BIRC3: variants seen among roughly 807,000 people sequenced by gnomAD.
BIRC3 encodes the protein baculoviral IAP repeat-containing protein 3.
In BIRC3, 26 loss-of-function variants were observed where a neutral mutation model predicts 59.0. The ratio of observed to expected loss-of-function variants is 0.44; its 90% CI spans 0.32 to 0.61. BIRC3 has a LOEUF of 0.61. Among genes scored for constraint, BIRC3 ranks in the 20% least tolerant of loss-of-function variants. The pLI is 0.04. For synonymous variants in BIRC3, 243 were observed against 249.2 expected, an observed-to-expected ratio of 0.98 and a Z score of 0.24; for missense variants, 641 against 711.5, an observed-to-expected ratio of 0.90 and a Z score of 1.13.
rs190140643 is a variant in BIRC3 at position 102,324,614 on chromosome 11, G to A, written c.105G>A (p.Thr35=). 3 of 1,614,116 alleles carry A rather than the reference G, an allele frequency of 1.9e-6. No homozygotes were observed. Among genetic ancestry groups the A allele is most frequent in the Non-Finnish European group, 1.7e-6 (2 of 1,180,002 alleles). Residue 35 remains threonine, a synonymous_variant, in exon 2 of 9, where the codon ACG becomes ACA. Coordinates refer to ENST00000263464, the MANE Select transcript of BIRC3 (RefSeq NM_001165.5). Reference sequence around the variant, plus strand: ...CATGTGAACTGTACCGAATGTCTACGTATTCCACTTTTCCTGCTGGGGTTC... The same window carrying A: ...CATGTGAACTGTACCGAATGTCTACATATTCCACTTTTCCTGCTGGGGTTC... ...DLSCELYRMS[T]YSTFPAGVPV...
At chr11:102,328,225 T>C (rs1951104308) in intron 4 of BIRC3, 95 bp downstream of exon 4, 2 of 922,994 alleles carry the variant, frequency 2.2e-6, no homozygotes, top group Admixed American at 2.6e-5. Context: ...AGACAAGAGT[T>C]GTTTTAGAAA....
At position 102,337,148 on chromosome 11, in the gene BIRC3, T is replaced by A. The variant is rs1951205267; in HGVS notation, c.*46T>A. On this transcript the variant is annotated 3_prime_UTR_variant, in exon 9 of 9. Coordinates refer to ENST00000263464, the MANE Select transcript of BIRC3 (RefSeq NM_001165.5). ...TAAACTTTAGAATTAATTTATTAAA[T>A]GTATTATAACTTTAACTTTTATCCT... is the stretch of plus-strand genomic sequence containing the variant. 12 of 1,328,010 alleles carry A rather than the reference T, an allele frequency of 9.0e-6. No homozygotes were observed. Among genetic ancestry groups the A allele is most frequent in the Non-Finnish European group, 1.2e-5 (12 of 1,022,254 alleles). 82.3% of individuals were successfully genotyped at this position (1,328,010 alleles called of 1,614,324 possible). A position where few individuals can be genotyped will look rare whatever the true frequency, so the allele number is the denominator to read the frequency against.
In BIRC3 at chr11:102,336,206, A is replaced by T; in HGVS notation, c.1565A>T (p.Tyr522Phe). ...NSLQEAEAVL[Y>F]EHLFVQQDIK... ...CTGCAAGAAGCTGAAGCTGTGTTAT[A>T]TGAGCATTTATTTGGTGAGTGATAG... The change falls in exon 7 of 9, where the codon TAT becomes TTT. Residue 522 changes from tyrosine (Y) to phenylalanine (F), a missense_variant. Coordinates refer to ENST00000263464, the MANE Select transcript of BIRC3 (RefSeq NM_001165.5). 2 of 1,596,182 alleles carry T rather than the reference A, an allele frequency of 1.3e-6. No homozygotes were observed. Among genetic ancestry groups the T allele is most frequent in the East Asian group, 2.2e-5 (1 of 44,632 alleles).
chr11:102,319,316 G>A (rs1202836607), intron 1 of BIRC3, among the ~76,000 whole-genome samples: 1 of 152,142 alleles, frequency 6.6e-6, no homozygotes, highest in Non-Finnish European at 1.5e-5. Flanking sequence ...GAAGTGCTGG[G>A]ATTACAGGCA....
At chr11:102,330,002 C>G (rs1003300116) in intron 5 of BIRC3, among the ~76,000 whole-genome samples, 7 of 152,020 alleles carry the variant, frequency 4.6e-5, no homozygotes, top group African/African-American at 1.7e-4. Flanking sequence ...CATGTATCTA[C>G]TGGAAACAGA....
At chr11:102,327,747 C>T (rs1456975777) in intron 3 of BIRC3, among the ~76,000 whole-genome samples, 2 of 152,072 alleles carry the variant, frequency 1.3e-5, no homozygotes, top group African/African-American at 4.8e-5. Flanking sequence ...TGAGAAGCAT[C>T]TTACAAAACA....
chr11:102,324,468 C>G lies in BIRC3; in HGVS notation c.-42C>G. The G allele has an allele frequency of 1.9e-6, 3 of 1,548,082 alleles. No homozygotes were observed. Among genetic ancestry groups the G allele is most frequent in the Non-Finnish European group, 2.6e-6 (3 of 1,149,844 alleles). ...CAAAGCCATGCACAAAACTACCTCC[C>G]TAGAGAAAGGCTAGTCCCTTTTCTT... On this transcript the variant is annotated 5_prime_UTR_variant, in exon 2 of 9. Transcript: ENST00000263464.
In BIRC3 at chr11:102,328,880, A is replaced by ATATAT; in HGVS notation, c.1033-16_1033-15insATATT. ...AATTTATATATATATATATATATAT[A>ATATAT]TTTTTTTTTTCTGCAGCTGCTATCC... On this transcript the variant is annotated splice_polypyrimidine_tract_variant and intron_variant, in intron 4 of 8. Coordinates refer to ENST00000263464, the MANE Select transcript of BIRC3 (RefSeq NM_001165.5). The ATATAT allele has an allele frequency of 2.3e-6, 1 of 426,296 alleles. No individual in the cohort carries two copies. Among genetic ancestry groups the ATATAT allele is most frequent in the Non-Finnish European group, 2.9e-6 (1 of 340,884 alleles). The allele number at this position is 426,296 out of a possible 1,614,324, so 26.4% of individuals were successfully genotyped here.
rs570029855 is a variant in BIRC3, at chr11:102,338,019, G to C, written c.*917G>C. On this transcript the variant is annotated 3_prime_UTR_variant, in exon 9 of 9. Coordinates refer to ENST00000263464, the MANE Select transcript of BIRC3 (RefSeq NM_001165.5). ...CCCCACCTATTGGAAGAAGGTCTGA[G>C]TTTTATTCTTATCTCTTTGGTATTA... The C allele has an allele frequency of 5.3e-5, 12 of 226,658 alleles. 1 individual carries two copies. In the South Asian group the frequency reaches 2.0e-3, roughly 38 times the overall value. The allele number at this position is 226,658 out of a possible 1,614,324, so 14.0% of individuals were successfully genotyped here. A position where few individuals can be genotyped will look rare whatever the true frequency, so the allele number is the denominator to read the frequency against.
rs977850824 is a variant in BIRC3 at position 102,331,090 on chromosome 11, T to C, written c.1173T>C (p.Ser391=). The C allele has an allele frequency of 8.1e-6, 13 of 1,613,716 alleles. No homozygotes were observed. In the African/African-American group the frequency reaches 9.3e-5, roughly 12 times the overall value. ...ATGCTGCCGTGGAAATGGGCTTTAG[T>C]AGAAGCCTGGTAAAACAGACAGTTC... ...VINAAVEMGF[S]RSLVKQTVQR... Residue 391 remains serine (S), a synonymous_variant, in exon 6 of 9, where the codon AGT becomes AGC. Coordinates refer to ENST00000263464, the MANE Select transcript of BIRC3 (RefSeq NM_001165.5).
rs997430245 is a variant in BIRC3, at chr11:102,328,912, G to T, written c.1048G>T (p.Asp350Tyr). The change falls in exon 5 of 9, where the codon GAC becomes TAC. Residue 350 changes from aspartate (D) to tyrosine (Y), a missense_variant. Transcript: ENST00000263464. ...TTTTCTGCAGCTGCTATCCACATCA[G>T]ACAGCCCAGGAGATGAAAATGCAGA... ...HLLEQLLSTS[D>Y]SPGDENAESS... The T allele has an allele frequency of 7.2e-7, 1 of 1,386,024 alleles. No homozygotes were observed. The allele number at this position is 1,386,024 out of a possible 1,614,324, so 85.9% of individuals were successfully genotyped here.
rs772857772 is a variant in BIRC3 at position 102,337,075 on chromosome 11, G to A, written c.1788G>A (p.Lys596=). Residue 596 remains lysine, a synonymous_variant, in exon 9 of 9, where the codon AAG becomes AAA. Transcript: ENST00000263464. ...GTCCTATTTGTAGGAGTACAATCAA[G>A]GGTACAGTTCGTACATTTCTTTCAT... ...RKCPICRSTI[K]GTVRTFLS 1.2e-5 allele frequency: 18 copies of A among 1,564,968 alleles called. No homozygotes were observed. The highest frequency in any genetic ancestry group is 3.4e-4 in the Middle Eastern group (2 of 5,944).
rs371939735 is a variant in BIRC3, at chr11:102,328,136, G to C, written c.1032+6G>C. 1 of 1,603,242 alleles carries C rather than the reference G, an allele frequency of 6.2e-7. No individual in the cohort carries two copies. Among genetic ancestry groups the C allele is most frequent in the Non-Finnish European group, 8.5e-7 (1 of 1,175,884 alleles). On this transcript the variant is annotated splice_donor_region_variant and intron_variant, in intron 4 of 8. Transcript: ENST00000263464. ...ACCCTCATCTACTTGAACAGGTAGG[G>C]CAAGTTCTTTTTTTAAATATTGGTT...
Position 102,336,138 on chromosome 11 carries a change from T to G in BIRC3, c.1497T>G (p.Ile499Met). 5.0e-6 allele frequency: 8 copies of G among 1,613,884 alleles called. No homozygotes were observed. In the South Asian group the frequency reaches 8.8e-5, roughly 18 times the overall value. ...SLQARELIDT[I>M]LVKGNIAATV... ...AAGCAAGAGAACTGATTGATACGAT[T>G]TTAGTAAAAGGAAATATTGCAGCCA... Residue 499 changes from isoleucine to methionine, a missense_variant, in exon 7 of 9, where the codon ATT (isoleucine) becomes ATG (methionine). Physicochemically the swap from Ile to Met is conservative, Grantham distance 10 (BLOSUM62 1). Around this residue, in one of 4 missense-constraint regions of BIRC3, gnomAD observed 268 missense variants for 255.7 expected, o/e 1.05. Transcript: ENST00000263464.
At chr11:102,321,684 C>T (rs1406141784) in intron 1 of BIRC3, among the ~76,000 whole-genome samples, 153 bp from the exon 2 acceptor site, 2 of 152,182 alleles carry the variant, frequency 1.3e-5, no homozygotes, top group African/African-American at 2.4e-5. Flanking sequence ...TCTTTTTGGC[C>T]TCTACAGTGC....
Position 102,324,582 on chromosome 11 carries a change from G to C in BIRC3, c.73G>C (p.Asp25His). 1 of 1,614,052 alleles carries C rather than the reference G, an allele frequency of 6.2e-7. No individual in the cohort carries two copies. The highest frequency in any genetic ancestry group is 1.1e-5 in the South Asian group (1 of 91,068). Reference protein sequence around the residue: ...KSANTFELKYDLSCELYRMST... With the variant: ...KSANTFELKYHLSCELYRMST... ...CGCCAACACGTTTGAACTGAAATAC[G>C]ACTTGTCATGTGAACTGTACCGAAT... Residue 25 changes from aspartate to histidine, a missense_variant, in exon 2 of 9, where the codon GAC becomes CAC. Transcript: ENST00000263464.
Position 102,325,532 on chromosome 11 carries a change from A to G in BIRC3, c.920A>G (p.Asp307Gly). ...CTCAGGTGTTGGGAATCTGGAGATGATCCATGGGTTCAACATGCCAAGTGG... is the reference window on the plus strand; with the variant it reads ...CTCAGGTGTTGGGAATCTGGAGATGGTCCATGGGTTCAACATGCCAAGTGG... ...GGLRCWESGD[D>G]PWVQHAKWFP... The change falls in exon 3 of 9, where the codon GAT becomes GGT. Residue 307 changes from aspartate to glycine, a missense_variant. Coordinates refer to ENST00000263464, the MANE Select transcript of BIRC3 (RefSeq NM_001165.5). 6.2e-7 allele frequency: 1 copy of G among 1,612,920 alleles called. No homozygotes were observed. Among genetic ancestry groups the G allele is most frequent in the Non-Finnish European group, 8.5e-7 (1 of 1,179,264 alleles).
At chr11:102,327,667 T>A (rs1951098151) in intron 3 of BIRC3, among the ~76,000 whole-genome samples, 1 of 151,820 alleles carries the variant, frequency 6.6e-6, no homozygotes, top group Admixed American at 6.6e-5. Context: ...AGAAGCATAA[T>A]GTATCTTGGC....
chr11:102,335,422 A>C (rs965231034), intron 6 of BIRC3, among the ~76,000 whole-genome samples: 2 of 152,178 alleles, frequency 1.3e-5, no homozygotes, highest in Non-Finnish European at 2.9e-5. Flanking sequence ...AAATGATTGA[A>C]AGCACAGTAC....
Sources: gnomAD v4.1 joint callset for allele counts (sites outside exome capture counted in the v4.1 genomes callset) on GRCh38, gnomAD v4.1.1 for gene constraint, gnomAD v4.1.1 regional missense constraint, MANE v1.5 for transcripts, NCBI Gene and HGNC (gene_info 2026-07-23, HGNC 2026-07-21) for gene names.